The following GALNTL6 variants were observed in gnomAD, a reference collection of about 807,000 sequenced individuals.
GALNTL6 encodes polypeptide N-acetylgalactosaminyltransferase-like 6.
Under a neutral mutation model 73.7 loss-of-function variants are expected in GALNTL6, and 46 were observed. The ratio of observed to expected loss-of-function variants is 0.62; its 90% CI spans 0.49 to 0.80. GALNTL6 has a LOEUF of 0.80. Ranked by LOEUF, GALNTL6 falls within the 30% of genes least tolerant of loss-of-function variation. GALNTL6 has a pLI of 0.00. For missense variants in GALNTL6, 604 were observed against 755.0 expected (o/e 0.80, Z 2.34); for synonymous variants, 259 against 263.7 (o/e 0.98, Z 0.17).
intron 3 of GALNTL6, among the ~76,000 whole-genome samples, chr4:172,234,723 CTT>C (rs1308093256): frequency 6.6e-6 from 1 of 151,992 alleles, no homozygotes; most frequent in Non-Finnish European, 1.5e-5. Context: ...ATTTTCAAAT[CTT>C]TATCTATGAA....
chr4:172,658,070 A>C (rs1268981914), intron 5 of GALNTL6, among the ~76,000 whole-genome samples: 2 of 116,484 alleles, frequency 1.7e-5, no homozygotes, highest in African/African-American at 3.3e-5. Context: ...GAATGGCGTG[A>C]ACCCGGGAGG....
chr4:171,911,483 C>T (rs1320372674), intron 2 of GALNTL6, among the ~76,000 whole-genome samples: 2 of 152,182 alleles, frequency 1.3e-5, no homozygotes, highest in Non-Finnish European at 2.9e-5. Context: ...GTATCATGAA[C>T]TAAGATTCCC....
chr4:172,129,808 G>A (rs1733405172), intron 2 of GALNTL6, among the ~76,000 whole-genome samples: 1 of 152,166 alleles, frequency 6.6e-6, no homozygotes, highest in Admixed American at 6.5e-5. Context: ...CAAAGTAAGA[G>A]TCCTAGAATC....
At chr4:173,000,044 T>C (rs1409015853) in intron 10 of GALNTL6, among the ~76,000 whole-genome samples, 1 of 152,156 alleles carries the variant, frequency 6.6e-6, no homozygotes, top group East Asian at 1.9e-4. Flanking sequence ...TCTCATTTCT[T>C]ACTACATCTT....
chr4:171,913,865 C>A (rs150036484), intron 2 of GALNTL6, among the ~76,000 whole-genome samples: 1 of 152,166 alleles, frequency 6.6e-6, no homozygotes, highest in East Asian at 1.9e-4. Flanking sequence ...GAGATACATA[C>A]CCTCATCAAC....
chr4:172,628,513 C>A (rs183072810), intron 5 of GALNTL6, among the ~76,000 whole-genome samples: 122 of 152,066 alleles, frequency 8.0e-4, no homozygotes, highest in African/African-American at 2.7e-3. Context: ...GGGTAGATCT[C>A]TTGAGCTCAG....
At chr4:172,203,965 C>A in intron 2 of GALNTL6, among the ~76,000 whole-genome samples, 1 of 152,146 alleles carries the variant, frequency 6.6e-6, no homozygotes, top group Admixed American at 6.5e-5. Flanking sequence ...AGGCAGGTCT[C>A]GAACTAACGA....
At chr4:172,430,997 T>A (rs1731429130) in intron 5 of GALNTL6, among the ~76,000 whole-genome samples, 1 of 152,202 alleles carries the variant, frequency 6.6e-6, no homozygotes, top group Admixed American at 6.5e-5. Context: ...ACAGGCATCA[T>A]CAGAATACAT....
At chr4:172,874,707 C>T (rs768242919) in intron 7 of GALNTL6, among the ~76,000 whole-genome samples, 2 of 152,088 alleles carry the variant, frequency 1.3e-5, no homozygotes, top group African/African-American at 4.8e-5. Context: ...GGGAGAGGAG[C>T]AAAAGTCAAT....
intron 3 of GALNTL6, among the ~76,000 whole-genome samples, chr4:172,278,079 T>A (rs1332807832): frequency 6.6e-6 from 1 of 152,162 alleles, no homozygotes; most frequent in African/African-American, 2.4e-5. Flanking sequence ...TCTATCTCAT[T>A]CATTGATTTA....
intron 5 of GALNTL6, among the ~76,000 whole-genome samples, chr4:172,549,709 A>T (rs1395890779): frequency 6.6e-6 from 1 of 152,160 alleles, no homozygotes; most frequent in African/African-American, 2.4e-5. Flanking sequence ...CAATTTTTTA[A>T]ACAATATTAC....
chr4:172,965,542 C>T (rs566017341), intron 10 of GALNTL6, among the ~76,000 whole-genome samples: 4 of 151,492 alleles, frequency 2.6e-5, no homozygotes, highest in African/African-American at 9.7e-5. Context: ...GAGATTGCGC[C>T]ACTGCATCCA....
chr4:172,817,608 T>A (rs1173878283), intron 7 of GALNTL6, among the ~76,000 whole-genome samples: 1 of 152,144 alleles, frequency 6.6e-6, no homozygotes, highest in Non-Finnish European at 1.5e-5. Context: ...CACTTAGCAA[T>A]GAAAGACTTT....
chr4:172,073,392 G>A (rs763203342), intron 2 of GALNTL6, among the ~76,000 whole-genome samples: 2 of 152,166 alleles, frequency 1.3e-5, no homozygotes, highest in Non-Finnish European at 2.9e-5. Flanking sequence ...AATGTTTGCT[G>A]ATTGATTAAA....
intron 5 of GALNTL6, among the ~76,000 whole-genome samples, chr4:172,739,880 GGACA>G (rs1736700734): frequency 2.6e-5 from 4 of 151,436 alleles, no homozygotes; most frequent in African/African-American, 9.7e-5. Flanking sequence ...GAGACAAAAG[GGACA>G]GTTAGAAATA....
intron 2 of GALNTL6, among the ~76,000 whole-genome samples, chr4:172,206,814 G>GTTTTTTTTTTTT (rs796625697): frequency 2.6e-4 from 15 of 57,992 alleles, no homozygotes; most frequent in African/African-American, 6.9e-4. Context: ...TGTTTTTTTT[G>GTTTTTTTTTTTT]TTTGTTTTTT....
chr4:172,580,354 T>TA (rs1312009878), intron 5 of GALNTL6, among the ~76,000 whole-genome samples: 1 of 152,154 alleles, frequency 6.6e-6, no homozygotes, highest in Non-Finnish European at 1.5e-5. Context: ...CAAGATTGAC[T>TA]AAATATATGT....
intron 5 of GALNTL6, among the ~76,000 whole-genome samples, chr4:172,358,794 C>T (rs1742254350): frequency 7.0e-6 from 1 of 142,256 alleles, no homozygotes; most frequent in African/African-American, 2.7e-5. Flanking sequence ...AGGTTCCAAA[C>T]TTCAGTGTGC....
intron 2 of GALNTL6, among the ~76,000 whole-genome samples, chr4:171,942,241 G>GAT (rs1370018816): frequency 0.082 from 2,490 of 30,196 alleles, 65 homozygotes; most frequent in East Asian, 0.23. Context: ...AAAATAAATA[G>GAT]ATAAATAAAT....
Sources: allele counts gnomAD v4.1 joint callset (sites outside exome capture counted in the v4.1 genomes callset), GRCh38; gene constraint gnomAD v4.1.1; transcripts MANE v1.5; gene names NCBI Gene and HGNC (gene_info 2026-07-23, HGNC 2026-07-21).